The following COQ3 variants were observed in gnomAD, a reference collection of about 807,000 sequenced individuals.
The protein encoded by COQ3 is ubiquinone biosynthesis O-methyltransferase, mitochondrial.
Under a neutral mutation model 33.1 loss-of-function variants are expected in COQ3, and 29 were observed. That is an observed-to-expected ratio of 0.88 (90% confidence interval 0.65 to 1.19). The LOEUF (loss-of-function observed/expected upper bound fraction) is 1.19. COQ3 is among the 50% of genes most tolerant of loss of function. The pLI, the probability that COQ3 is intolerant of heterozygous loss-of-function variation, is 0.00. For missense variants in COQ3, 437 were observed against 430.7 expected (o/e 1.01, Z -0.13); for synonymous variants, 173 against 157.8 (o/e 1.10, Z -0.72).
At chr6:99,380,064 A>G in intron 3 of COQ3, 125 bp downstream of exon 3, 4 of 822,452 alleles carry the variant, frequency 4.9e-6, no homozygotes, top group Non-Finnish European at 7.4e-6. Flanking sequence ...GAATCTCCCT[A>G]ATTTCCAAAG....
chr6:99,374,711 T>G (rs1203757637), intron 5 of COQ3, among the ~76,000 whole-genome samples: 1 of 152,172 alleles, frequency 6.6e-6, no homozygotes, highest in Non-Finnish European at 1.5e-5. Context: ...TGGAGTCAAA[T>G]GGTCTGGCCT....
intron 5 of COQ3, 73 bp from the exon 6 acceptor site, chr6:99,371,660 C>T: frequency 1.0e-6 from 1 of 954,022 alleles, no homozygotes; most frequent in Non-Finnish European, 1.6e-6. Flanking sequence ...AGCTGTTTCC[C>T]CCTCCCTCCT....
At chr6:99,377,256 C>CA in intron 4 of COQ3, 130 bp downstream of exon 4, 1 of 736,874 alleles carries the variant, frequency 1.4e-6, no homozygotes, top group Non-Finnish European at 2.3e-6. Context: ...GTGATCCACC[C>CA]ACCCTGGCCT....
At chr6:99,383,603 G>T in intron 2 of COQ3, 95 bp downstream of exon 2, 1 of 849,728 alleles carries the variant, frequency 1.2e-6, no homozygotes, top group Non-Finnish European at 1.7e-6. Flanking sequence ...CAAGACACAT[G>T]GACTATTACA....
intron 1 of COQ3, among the ~76,000 whole-genome samples, chr6:99,387,177 G>A (rs1398843079): frequency 6.6e-6 from 1 of 152,140 alleles, no homozygotes; most frequent in African/African-American, 2.4e-5. Flanking sequence ...CACCAGGCAG[G>A]GTGGCTCACA....
At chr6:99,388,137 C>G (rs998959100) in intron 1 of COQ3, among the ~76,000 whole-genome samples, 4 of 151,780 alleles carry the variant, frequency 2.6e-5, no homozygotes, top group Non-Finnish European at 2.9e-5. Flanking sequence ...GCACTCCAGC[C>G]TGGGCAACAA....
At chr6:99,371,389 T>A in intron 6 of COQ3, 39 bp downstream of exon 6, 1 of 1,438,162 alleles carries the variant, frequency 7.0e-7, no homozygotes, top group Non-Finnish European at 9.5e-7. Context: ...AAAGTTCAGC[T>A]AGGCCTGGAA....
At chr6:99,376,281 G>A in intron 4 of COQ3, 99 bp from the exon 5 acceptor site, 1 of 1,227,864 alleles carries the variant, frequency 8.1e-7, no homozygotes, top group Admixed American at 2.4e-5. Flanking sequence ...ACCATGAGGT[G>A]ATAAATACTG....
intron 1 of COQ3, among the ~76,000 whole-genome samples, chr6:99,388,890 C>T (rs58234040): frequency 0.017 from 826 of 49,614 alleles, 7 homozygotes; most frequent in African/African-American, 0.052. Flanking sequence ...AATGTATACA[C>T]GCACACACAC....
chr6:99,391,870 C>G (rs1774842017), intron 1 of COQ3, among the ~76,000 whole-genome samples: 1 of 152,052 alleles, frequency 6.6e-6, no homozygotes, highest in Non-Finnish European at 1.5e-5. Flanking sequence ...ATTGTGGTGC[C>G]TGCCTGTAGT....
At chr6:99,390,381 T>C (rs1774791112) in intron 1 of COQ3, among the ~76,000 whole-genome samples, 1 of 149,906 alleles carries the variant, frequency 6.7e-6, no homozygotes. Context: ...TCGCCCAGGC[T>C]GGAGTGCAGT....
chr6:99,375,386 CTTT>C (rs895746698), intron 5 of COQ3, among the ~76,000 whole-genome samples: 11 of 139,022 alleles, frequency 7.9e-5, no homozygotes, highest in Admixed American at 2.9e-4. Context: ...CAATATTTTT[CTTT>C]TTTTTTTTTT....
intron 3 of COQ3, among the ~76,000 whole-genome samples, chr6:99,378,145 TATATATATATATTTAG>T (rs1247945899): frequency 3.2e-4 from 8 of 25,030 alleles, no homozygotes; most frequent in Non-Finnish European, 9.4e-4. Flanking sequence ...TATATATATA[TATATATATATATTTAG>T]AGAGAGAGAG....
At chr6:99,379,095 A>G (rs1198124927) in intron 3 of COQ3, among the ~76,000 whole-genome samples, 1 of 151,638 alleles carries the variant, frequency 6.6e-6, no homozygotes, top group East Asian at 1.9e-4. Context: ...TACATGTGCC[A>G]TGTTGGTGTG....
chr6:99,383,730 G>C lies in COQ3; in HGVS notation c.201C>G (p.Ile67Met). 1 of 1,602,626 alleles carries C rather than the reference G, an allele frequency of 6.2e-7. No homozygotes were observed. The highest frequency in any genetic ancestry group is 8.5e-7 in the Non-Finnish European group (1 of 1,175,926). The change falls in exon 2 of 7, where the codon ATC becomes ATG. Residue 67 changes from isoleucine (I) to methionine (M), a missense_variant. Transcript: ENST00000254759. Reference sequence around the variant, plus strand: ...TCTTTATTCTGTTCAAACAGGAAAAGATCGTCCTGTAGGATTTGAACCATA... The same window carrying C: ...TCTTTATTCTGTTCAAACAGGAAAACATCGTCCTGTAGGATTTGAACCATA... ...RTIWFKSYRT[I>M]FSCLNRIKSF...
intron 3 of COQ3, among the ~76,000 whole-genome samples, chr6:99,378,473 C>G (rs1392783650): frequency 1.3e-5 from 2 of 152,066 alleles, no homozygotes; most frequent in Non-Finnish European, 2.9e-5. Context: ...TAAACTTTAA[C>G]CATAGCTTGC....
In COQ3 at chr6:99,375,957, A is replaced by C. The variant is rs1230160516; in HGVS notation, c.712T>G (p.Cys238Gly). Residue 238 changes from cysteine (C) to glycine (G), a missense_variant, in exon 5 of 7, where the codon TGC becomes GGC. Physicochemically the swap from Cys to Gly is radical, Grantham distance 159 (BLOSUM62 -3). Coordinates refer to ENST00000254759, the MANE Select transcript of COQ3 (RefSeq NM_017421.4). ...AGCCTTACTTTTAACACTTGACAGC[A>C]GCACTGTAAAAATGTTTCTAGATCA... ...VIDLETFLQC[C>G]CQVLKPGGSL... 1 of 1,614,088 alleles carries C rather than the reference A, an allele frequency of 6.2e-7. No individual in the cohort carries two copies. Among genetic ancestry groups the C allele is most frequent in the Non-Finnish European group, 8.5e-7 (1 of 1,180,014 alleles).
chr6:99,385,660 A>T (rs1002890285), intron 1 of COQ3, among the ~76,000 whole-genome samples: 1 of 152,140 alleles, frequency 6.6e-6, no homozygotes, highest in Non-Finnish European at 1.5e-5. Flanking sequence ...ATATCACTAA[A>T]ATAATCATAT....
chr6:99,390,936 T>C (rs78674604), intron 1 of COQ3, among the ~76,000 whole-genome samples: 1,748 of 152,316 alleles, frequency 0.011, 42 homozygotes, highest in African/African-American at 0.04. Context: ...TCACATCTTG[T>C]CTTTTTGTAG....
Sources: gnomAD v4.1 joint callset for allele counts (sites outside exome capture counted in the v4.1 genomes callset) on GRCh38, gnomAD v4.1.1 for gene constraint, MANE v1.5 for transcripts, NCBI Gene and HGNC (gene_info 2026-07-23, HGNC 2026-07-21) for gene names.